CACHD1: variants seen among roughly 807,000 people sequenced by gnomAD.
CACHD1 encodes the protein cache domain containing 1.
CACHD1 carries 71 observed loss-of-function variants against 138.7 expected under a neutral mutation model. The observed-to-expected ratio is 0.51, with a 90% CI of 0.42 to 0.62. CACHD1 has a LOEUF of 0.62. Among genes scored for constraint, CACHD1 ranks in the 20% least tolerant of loss-of-function variants. The pLI is 0.00. For missense variants in CACHD1, 1,389 were observed against 1,625.3 expected (o/e 0.85, Z 2.50); for synonymous variants, 578 against 591.5 (o/e 0.98, Z 0.33).
intron 1 of CACHD1, among the ~76,000 whole-genome samples, chr1:64,493,620 T>C (rs1391074636): frequency 6.6e-6 from 1 of 152,220 alleles, no homozygotes; most frequent in African/African-American, 2.4e-5. Context: ...AAAGGAATTG[T>C]GCAGATACCA....
chr1:64,520,276 ATGTT>A (rs1470426196), intron 1 of CACHD1, among the ~76,000 whole-genome samples: 2 of 152,212 alleles, frequency 1.3e-5, no homozygotes, highest in African/African-American at 2.4e-5. Flanking sequence ...ATTTGAATAT[ATGTT>A]TAAGTTTACC....
intron 1 of CACHD1, among the ~76,000 whole-genome samples, chr1:64,510,988 T>G (rs895709000): frequency 6.6e-6 from 1 of 152,206 alleles, no homozygotes; most frequent in East Asian, 1.9e-4. Flanking sequence ...TTGGTAATGG[T>G]TCTGGTCCTT....
intron 2 of CACHD1, among the ~76,000 whole-genome samples, chr1:64,561,460 T>C (rs1179138767): frequency 1.3e-5 from 2 of 152,242 alleles, no homozygotes; most frequent in East Asian, 1.9e-4. Context: ...TTTCTAAAGA[T>C]AACAGCTGAT....
intron 4 of CACHD1, among the ~76,000 whole-genome samples, chr1:64,625,074 A>T (rs142815491): frequency 6.6e-6 from 1 of 152,316 alleles, no homozygotes; most frequent in Non-Finnish European, 1.5e-5. Context: ...AATATTTACT[A>T]TCTGGCCCAT....
intron 1 of CACHD1, among the ~76,000 whole-genome samples, chr1:64,502,898 T>G (rs1646347981): frequency 6.6e-6 from 1 of 152,214 alleles, no homozygotes; most frequent in Admixed American, 6.5e-5. Context: ...ATCGAAGTAT[T>G]TTTCTTTTCC....
Position 64,634,237 on chromosome 1 carries a change from A to T in CACHD1, c.983A>T (p.Asn328Ile). 6.2e-7 allele frequency: 1 copy of T among 1,614,008 alleles called. No individual in the cohort carries two copies. Among genetic ancestry groups the T allele is most frequent in the South Asian group, 1.1e-5 (1 of 91,082 alleles). The change falls in exon 7 of 27, where the codon AAC becomes ATC. Residue 328 changes from asparagine (N) to isoleucine (I), a missense_variant. Asn to Ile is a moderately radical substitution (Grantham distance 149). This residue lies in a region of CACHD1 where 1,000 missense variants were observed against 1,114.7 expected (regional missense o/e 0.90). Coordinates refer to ENST00000651257, the MANE Select transcript of CACHD1 (RefSeq NM_020925.4). ...GCATTTCAGCTGATTCGAAGTACAA[A>T]CAATAACACAAAGTTCCAAGCAAGT... ...QKAFQLIRST[N>I]NNTKFQANTD...
In CACHD1 at chr1:64,675,943, G is replaced by A; in HGVS notation, c.2935G>A (p.Val979Ile). The A allele has an allele frequency of 2.6e-6, 4 of 1,515,630 alleles. No homozygotes were observed. Among genetic ancestry groups the A allele is most frequent in the South Asian group, 2.8e-5 (2 of 72,110 alleles). 93.9% of individuals were successfully genotyped at this position (1,515,630 alleles called of 1,614,324 possible). ...ATGTCCTTGTGAGTGCCCTCTAGAG[G>A]TCAATGAGTGCACTGGCAACCTCAC... The part of the protein sequence containing the change: ...CECPCECPLE[V>I]NECTGNLTNA... Residue 979 changes from valine to isoleucine, a missense_variant, in exon 21 of 27, where the codon GTC (valine) becomes ATC (isoleucine). Val to Ile is a conservative substitution (Grantham distance 29). Coordinates refer to ENST00000651257, the MANE Select transcript of CACHD1 (RefSeq NM_020925.4).
intron 1 of CACHD1, among the ~76,000 whole-genome samples, chr1:64,522,848 C>T (rs1646509028): frequency 6.6e-6 from 1 of 152,104 alleles, no homozygotes; most frequent in South Asian, 2.1e-4. Flanking sequence ...AAATGGCTTC[C>T]TGTATTTTAT....
At chr1:64,545,163 AC>A (rs1208782665) in intron 1 of CACHD1, among the ~76,000 whole-genome samples, 7 of 152,238 alleles carry the variant, frequency 4.6e-5, no homozygotes, top group Admixed American at 4.6e-4. Flanking sequence ...TTGTGTATTT[AC>A]AAAAACATTT....
chr1:64,630,270 G>A (rs1416916098), intron 5 of CACHD1, among the ~76,000 whole-genome samples: 1 of 151,452 alleles, frequency 6.6e-6, no homozygotes, highest in Non-Finnish European at 1.5e-5. Context: ...TTTTCCCCAA[G>A]GAAAATACTT....
chr1:64,651,740 G>A (rs1192555514), intron 9 of CACHD1, among the ~76,000 whole-genome samples: 1 of 152,180 alleles, frequency 6.6e-6, no homozygotes, highest in Non-Finnish European at 1.5e-5. Flanking sequence ...AATACAAAAG[G>A]GGTACAGCTG....
chr1:64,606,407 C>T (rs145616097), intron 4 of CACHD1, among the ~76,000 whole-genome samples: 61 of 152,106 alleles, frequency 4.0e-4, no homozygotes, highest in South Asian at 3.1e-3. Context: ...GTTTGGTGTG[C>T]TTGGAAACTG....
rs1032572542 is a variant in CACHD1, at chr1:64,470,320, C to T, written c.-425C>T. ...CCCGGGGGCCGCCGTCAGTCCTCGC[C>T]GCCGCCTGCTCGCTGCGCTGGGACT... On this transcript the variant is annotated 5_prime_UTR_variant, in exon 1 of 27. Coordinates refer to ENST00000651257, the MANE Select transcript of CACHD1 (RefSeq NM_020925.4). The surrounding 1 kb of genome is among the most constrained non-coding windows in gnomAD (Gnocchi z 5.2). Among the ~76,000 whole-genome samples the T allele has an allele frequency of 6.6e-6, 1 of 151,924 alleles. No individual in the cohort carries two copies. The highest frequency in any genetic ancestry group is 1.5e-5 in the Non-Finnish European group (1 of 67,966).
intron 1 of CACHD1, among the ~76,000 whole-genome samples, chr1:64,519,611 A>G (rs532074505): frequency 4.7e-5 from 7 of 147,962 alleles, no homozygotes; most frequent in East Asian, 4.0e-4. Context: ...TTAACTATCA[A>G]TCAGATCCTC....
intron 1 of CACHD1, chr1:64,505,884 C>T (rs1646371512): frequency 8.1e-6 from 1 of 122,988 alleles, no homozygotes; most frequent in Non-Finnish European, 1.7e-5. Context: ...GCCGGGTCCC[C>T]CGCTTCGTCC....
intron 1 of CACHD1, among the ~76,000 whole-genome samples, chr1:64,479,229 C>T (rs1041752494): frequency 6.6e-6 from 1 of 152,206 alleles, no homozygotes; most frequent in Non-Finnish European, 1.5e-5. Context: ...GACTTCAACA[C>T]AGATGAATGT....
At chr1:64,571,549 G>GT (rs1557499204) in intron 2 of CACHD1, among the ~76,000 whole-genome samples, 2 of 152,204 alleles carry the variant, frequency 1.3e-5, no homozygotes. Flanking sequence ...CTTGGATTCA[G>GT]TAAGTACTTG....
chr1:64,524,063 A>G (rs1056586452), intron 1 of CACHD1, among the ~76,000 whole-genome samples: 1 of 152,126 alleles, frequency 6.6e-6, no homozygotes, highest in African/African-American at 2.4e-5. Context: ...AAATTATTCT[A>G]TGCTTTATTC....
chr1:64,572,639 C>T (rs988312098), intron 2 of CACHD1, among the ~76,000 whole-genome samples: 1 of 152,158 alleles, frequency 6.6e-6, no homozygotes, highest in Non-Finnish European at 1.5e-5. Flanking sequence ...TCAACTGTTT[C>T]CCAGGGCTCA....
Sources: allele counts gnomAD v4.1 joint callset (sites outside exome capture counted in the v4.1 genomes callset), GRCh38; gene constraint gnomAD v4.1.1; regional missense constraint gnomAD v4.1.1; non-coding constraint Gnocchi (gnomAD v3.1); transcripts MANE v1.5; gene names NCBI Gene and HGNC (gene_info 2026-07-23, HGNC 2026-07-21).